DLC1: variants seen among roughly 807,000 people sequenced by gnomAD.
The protein encoded by DLC1 is rho GTPase-activating protein 7.
Under a neutral mutation model 140.3 loss-of-function variants are expected in DLC1, and 54 were observed. The ratio of observed to expected loss-of-function variants is 0.38; its 90% CI spans 0.31 to 0.48. The LOEUF is 0.48. Ranked by LOEUF, DLC1 falls within the 20% of genes least tolerant of loss-of-function variation. The pLI is 0.96. For synonymous variants in DLC1, 986 were observed against 728.1 expected, an observed-to-expected ratio of 1.35 and a Z score of -5.70; for missense variants, 2,536 against 1,907.0, an observed-to-expected ratio of 1.33 and a Z score of -6.14.
chr8:13,313,572 G>T, intron 4 of DLC1, among the ~76,000 whole-genome samples: 1 of 152,110 alleles, frequency 6.6e-6, no homozygotes, highest in Non-Finnish European at 1.5e-5. Context: ...ACAGCTCCAT[G>T]ATTGTGAACT....
chr8:13,189,708 C>A (rs992214877), intron 5 of DLC1, among the ~76,000 whole-genome samples: 1 of 152,026 alleles, frequency 6.6e-6, no homozygotes, highest in South Asian at 2.1e-4. Flanking sequence ...CATGGAGAAA[C>A]CTCATCTCTA....
chr8:13,273,729 T>TGTGTGTGTGTGTGTG (rs1831045884), intron 5 of DLC1, among the ~76,000 whole-genome samples: 1 of 55,634 alleles, frequency 1.8e-5, no homozygotes, highest in African/African-American at 6.3e-5. Context: ...TGTGTGTGTG[T>TGTGTGTGTGTGTGTG]AAGGGGGAAG....
intron 5 of DLC1, among the ~76,000 whole-genome samples, chr8:13,162,333 T>G (rs780281153): frequency 2.6e-5 from 4 of 152,062 alleles, no homozygotes; most frequent in Non-Finnish European, 5.9e-5. Flanking sequence ...TTGTTGTTGT[T>G]GTTTTTGAGA....
intron 6 of DLC1, among the ~76,000 whole-genome samples, chr8:13,114,428 A>C (rs1820373006): frequency 6.6e-6 from 1 of 152,222 alleles, no homozygotes; most frequent in Admixed American, 6.5e-5. Flanking sequence ...AGCACTCCCC[A>C]GGGTACGCAG....
chr8:13,577,342 G>A (rs905048049), intron 1 of DLC1, among the ~76,000 whole-genome samples: 8 of 152,142 alleles, frequency 5.3e-5, no homozygotes, highest in African/African-American at 1.7e-4. Flanking sequence ...CTTATTATGC[G>A]ATGGGTCAGT....
At chr8:13,277,990 TAGTG>T (rs1415250222) in intron 5 of DLC1, among the ~76,000 whole-genome samples, 1 of 152,228 alleles carries the variant, frequency 6.6e-6, no homozygotes, top group Admixed American at 6.5e-5. Context: ...ATTATGAAAA[TAGTG>T]AGATTGTGCT....
chr8:13,269,343 G>A (rs1830823054), intron 5 of DLC1, among the ~76,000 whole-genome samples: 1 of 152,166 alleles, frequency 6.6e-6, no homozygotes, highest in African/African-American at 2.4e-5. Context: ...TTGTCCTTGA[G>A]CTACAGGGAA....
intron 4 of DLC1, among the ~76,000 whole-genome samples, chr8:13,343,235 C>A (rs916116126): frequency 1.3e-5 from 2 of 152,144 alleles, no homozygotes; most frequent in South Asian, 4.1e-4. Flanking sequence ...CCGGCTTCCT[C>A]CAGTTAGTTC....
chr8:13,119,906 A>T (rs1193679535), intron 5 of DLC1, among the ~76,000 whole-genome samples: 2 of 150,504 alleles, frequency 1.3e-5, no homozygotes, highest in Non-Finnish European at 3.0e-5. Context: ...ATACAGTGAG[A>T]CTCTATCTAA....
intron 1 of DLC1, among the ~76,000 whole-genome samples, chr8:13,551,371 G>T (rs1398151256): frequency 6.6e-6 from 1 of 151,950 alleles, no homozygotes; most frequent in African/African-American, 2.4e-5. Flanking sequence ...AAGGGATCTA[G>T]TTCTAGATTT....
intron 2 of DLC1, among the ~76,000 whole-genome samples, chr8:13,472,968 G>T (rs534579425): frequency 1.1e-4 from 16 of 151,970 alleles, no homozygotes; most frequent in Non-Finnish European, 1.5e-4. Flanking sequence ...CATAATAAGA[G>T]TAAGGAAAAA....
intron 4 of DLC1, among the ~76,000 whole-genome samples, chr8:13,313,213 C>G (rs899725437): frequency 2.0e-5 from 3 of 152,084 alleles, no homozygotes; most frequent in South Asian, 2.1e-4. Flanking sequence ...GCTCTGAACA[C>G]GAGGATGAAC....
intron 2 of DLC1, among the ~76,000 whole-genome samples, chr8:13,469,825 C>T (rs1356762044): frequency 6.6e-6 from 1 of 152,070 alleles, no homozygotes; most frequent in Non-Finnish European, 1.5e-5. Flanking sequence ...TATGCAAATG[C>T]CCCAAAGATT....
chr8:13,263,201 G>A (rs1830535518), intron 5 of DLC1, among the ~76,000 whole-genome samples: 1 of 152,030 alleles, frequency 6.6e-6, no homozygotes, highest in Non-Finnish European at 1.5e-5. Flanking sequence ...GCCTGCAAGA[G>A]TTTTTTGGGA....
At chr8:13,186,955 C>T (rs1826408019) in intron 5 of DLC1, among the ~76,000 whole-genome samples, 1 of 152,152 alleles carries the variant, frequency 6.6e-6, no homozygotes, top group African/African-American at 2.4e-5. Flanking sequence ...CACTCTAGAC[C>T]CTGTTTGCCT....
At chr8:13,553,883 T>G (rs1803952020) in intron 1 of DLC1, among the ~76,000 whole-genome samples, 1 of 152,074 alleles carries the variant, frequency 6.6e-6, no homozygotes, top group Non-Finnish European at 1.5e-5. Flanking sequence ...ATTTGAACAC[T>G]TCCTTCTCCT....
At chr8:13,317,938 G>T (rs1226368334) in intron 4 of DLC1, among the ~76,000 whole-genome samples, 11 of 152,130 alleles carry the variant, frequency 7.2e-5, no homozygotes, top group Non-Finnish European at 1.3e-4. Flanking sequence ...CTTACTTAGT[G>T]GTCACTGTAA....
At chr8:13,453,444 A>ATATATGTG (rs1799212332) in intron 2 of DLC1, among the ~76,000 whole-genome samples, 1 of 31,190 alleles carries the variant, frequency 3.2e-5, no homozygotes, top group Non-Finnish European at 5.7e-5. Flanking sequence ...ATATGTATAT[A>ATATATGTG]TATACATATA....
At chr8:13,353,558 T>G (rs1432525328) in intron 4 of DLC1, 1 of 152,194 alleles carries the variant, frequency 6.6e-6, no homozygotes, top group African/African-American at 2.4e-5. Context: ...CTGTTTGTGT[T>G]CTTAAAACAA....
Sources: gnomAD v4.1 joint callset for allele counts (sites outside exome capture counted in the v4.1 genomes callset) on GRCh38, gnomAD v4.1.1 for gene constraint, MANE v1.5 for transcripts, NCBI Gene and HGNC (gene_info 2026-07-23, HGNC 2026-07-21) for gene names.